PCDHA5: variants seen among roughly 807,000 people sequenced by gnomAD.
PCDHA5 encodes protocadherin alpha-5.
PCDHA5 carries 43 observed loss-of-function variants against 61.6 expected under a neutral mutation model. The ratio of observed to expected loss-of-function variants is 0.70; its 90% CI spans 0.55 to 0.90. The LOEUF is 0.90. Among genes scored for constraint, PCDHA5 ranks in the 40% least tolerant of loss-of-function variants. The probability of loss-of-function intolerance (pLI) is 0.00; values close to 1 mark genes in which losing one functional copy is unlikely to be tolerated. For missense variants in PCDHA5, 1,298 were observed against 1,222.7 expected (o/e 1.06, Z -0.92); for synonymous variants, 627 against 543.9 (o/e 1.15, Z -2.13).
At chr5:140,982,275 A>G (rs1315034472) in intron 2 of PCDHA5, 200 bp from the exon 3 acceptor site, 3 of 951,630 alleles carry the variant, frequency 3.2e-6, no homozygotes, top group Non-Finnish European at 4.5e-6. Context: ...GGAATAGTAT[A>G]GCAGGCAATA....
intron 1 of PCDHA5, chr5:140,967,530 C>T: frequency 6.2e-7 from 1 of 1,613,178 alleles, no homozygotes; most frequent in Non-Finnish European, 8.5e-7. Flanking sequence ...GACAACTCTC[C>T]TGCCTTTGAC....
chr5:140,870,935 A>C, intron 1 of PCDHA5: 2 of 1,613,778 alleles, frequency 1.2e-6, no homozygotes, highest in African/African-American at 2.7e-5. Context: ...TATGAATTGC[A>C]GCCGGCGGCG....
At position 140,822,625 on chromosome 5, in the gene PCDHA5, G is replaced by A. The variant is rs2150117840; in HGVS notation, c.850G>A (p.Val284Ile). 1.2e-6 allele frequency: 2 copies of A among 1,611,264 alleles called. No homozygotes were observed. Among genetic ancestry groups the A allele is most frequent in the South Asian group, 1.1e-5 (1 of 90,846 alleles). Residue 284 changes from valine to isoleucine, a missense_variant, in exon 1 of 4, where the codon GTT (valine) becomes ATT (isoleucine). Coordinates refer to ENST00000529859, the MANE Select transcript of PCDHA5 (RefSeq NM_018908.3). ...AATAGTGTATTTCTTTAGTAATCTT[G>A]TTCTTGACGATGTAAAGTCCAAATT... ...KEIVYFFSNL[V>I]LDDVKSKFII...
intron 1 of PCDHA5, chr5:140,828,066 T>G (rs1334678252): frequency 1.9e-6 from 3 of 1,559,958 alleles, no homozygotes; most frequent in Non-Finnish European, 2.6e-6. Context: ...GATCTTCTAA[T>G]GGAAATAAAA....
intron 1 of PCDHA5, chr5:140,857,523 C>T: frequency 1.9e-6 from 3 of 1,597,998 alleles, no homozygotes; most frequent in South Asian, 2.2e-5. Flanking sequence ...GTGTCCTACT[C>T]TCTGGTGGAG....
intron 1 of PCDHA5, chr5:140,853,583 T>G: frequency 1.0e-6 from 1 of 985,318 alleles, no homozygotes; most frequent in Non-Finnish European, 1.2e-6. Context: ...CCCAATATCT[T>G]AGACACTTTG....
At chr5:141,006,299 C>T (rs2098266808) in intron 3 of PCDHA5, among the ~76,000 whole-genome samples, 1 of 152,064 alleles carries the variant, frequency 6.6e-6, no homozygotes, top group Non-Finnish European at 1.5e-5. Flanking sequence ...GCAAGCTCCA[C>T]TTCCCGGGTT....
chr5:140,927,907 G>T, intron 1 of PCDHA5: 1 of 1,614,156 alleles, frequency 6.2e-7, no homozygotes, highest in Non-Finnish European at 8.5e-7. Context: ...TCATGCCCCC[G>T]AACTGGACTT....
At chr5:140,956,650 GATGCTGGCCTTA>G (rs2095299191) in intron 1 of PCDHA5, among the ~76,000 whole-genome samples, 1 of 152,154 alleles carries the variant, frequency 6.6e-6, no homozygotes, top group Non-Finnish European at 1.5e-5. Context: ...GTATCAGGAT[GATGCTGGCCTTA>G]AAGGAGTTAG....
rs1221684887 is a variant in PCDHA5, at chr5:140,822,310, T to G, written c.535T>G (p.Leu179Val). The G allele has an allele frequency of 2.5e-6, 4 of 1,614,088 alleles. No homozygotes were observed. In the African/African-American group the frequency reaches 4.0e-5, roughly 16 times the overall value. ...YRLNPNEYFD[L>V]DVKTNEEETN... ...GTTAAATCCAAACGAATATTTTGACTTAGATGTTAAAACAAATGAAGAAGA... is the reference window on the plus strand; with the variant it reads ...GTTAAATCCAAACGAATATTTTGACGTAGATGTTAAAACAAATGAAGAAGA... Residue 179 changes from leucine (L) to valine (V), a missense_variant, in exon 1 of 4, where the codon TTA becomes GTA. By Grantham distance (32) the Leu-to-Val change is conservative. Transcript: ENST00000529859.
At position 141,005,925 on chromosome 5, in the gene PCDHA5, T is replaced by C. The variant is rs368127914; in HGVS notation, c.2501-3702T>C. On this transcript the variant is annotated intron_variant, in intron 3 of 3. Transcript: ENST00000529859. ...TTGCACCACTGCACTTCAGCCTGGT[T>C]GACAGAGTGAGAACCTATCTCTAAC... 4.1e-4 allele frequency among the ~76,000 whole-genome samples: 62 copies of C among 151,990 alleles called. 1 individual carries two copies. The highest frequency in any genetic ancestry group is 1.4e-3 in the African/African-American group (59 of 41,476).
intron 3 of PCDHA5, among the ~76,000 whole-genome samples, chr5:141,008,307 G>A (rs1212029861): frequency 2.0e-5 from 3 of 152,176 alleles, no homozygotes; most frequent in Admixed American, 1.3e-4. Context: ...ACCCTAAACT[G>A]TAATTGAACA....
rs1554253792 is a variant in PCDHA5 at position 140,993,501 on chromosome 5, C to CACAT, written c.2500+10941_2500+10942insTACA. ...ACACACACACACACACACACACACA[C>CACAT]ACACACACGGGGAGAGAGAGACAGA... is the stretch of plus-strand genomic sequence containing the variant. On this transcript the variant is annotated intron_variant, in intron 3 of 3. Transcript: ENST00000529859. Among the ~76,000 whole-genome samples, 4 of 149,100 alleles carry CACAT rather than the reference C, an allele frequency of 2.7e-5. No individual in the cohort carries two copies. In the East Asian group the frequency reaches 5.8e-4, roughly 22 times the overall value.
rs1767369085 is a variant in PCDHA5, at chr5:140,822,621, T to A, written c.846T>A (p.Asn282Lys). 1 of 1,611,630 alleles carries A rather than the reference T, an allele frequency of 6.2e-7. No individual in the cohort carries two copies. Among genetic ancestry groups the A allele is most frequent in the African/African-American group, 1.3e-5 (1 of 74,990 alleles). ...AGGAAATAGTGTATTTCTTTAGTAA[T>A]CTTGTTCTTGACGATGTAAAGTCCA... ...INKEIVYFFS[N>K]LVLDDVKSKF... Residue 282 changes from asparagine (N) to lysine (K), a missense_variant, in exon 1 of 4, where the codon AAT (asparagine) becomes AAA (lysine). Coordinates refer to ENST00000529859, the MANE Select transcript of PCDHA5 (RefSeq NM_018908.3).
In PCDHA5 at chr5:140,850,849, G is replaced by A. The variant is rs2150500367; in HGVS notation, c.2352+26722G>A. On this transcript the variant is annotated intron_variant, in intron 1 of 3. Coordinates refer to ENST00000529859, the MANE Select transcript of PCDHA5 (RefSeq NM_018908.3). ...TCTCCTTGTGCTGGATCTACAGAGC[G>A]AACGGGAGAACCCTCTGCTTCCTCA... The A allele has an allele frequency of 8.1e-6, 13 of 1,596,194 alleles. 3 individuals are homozygous for A. Among genetic ancestry groups the A allele is most frequent in the East Asian group, 2.2e-5 (1 of 44,844 alleles).
chr5:141,008,837 C>G (rs1460664317), intron 3 of PCDHA5, among the ~76,000 whole-genome samples: 1 of 152,178 alleles, frequency 6.6e-6, no homozygotes, highest in Non-Finnish European at 1.5e-5. Flanking sequence ...CATCCTCTTA[C>G]GCTGTGTATT....
At position 140,822,265 on chromosome 5, in the gene PCDHA5, A is replaced by C; in HGVS notation, c.490A>C (p.Asn164His). The change falls in exon 1 of 4, where the codon AAT (asparagine) becomes CAT (histidine). Residue 164 changes from asparagine to histidine, a missense_variant. Transcript: ENST00000529859. ...CGCGTCGGATTTGGATATTGGAGCA[A>C]ATGCACAATTGAGATACAGGTTAAA... is the stretch of plus-strand genomic sequence containing the variant. Reference protein sequence around the residue: ...EGASDLDIGANAQLRYRLNPN... With the variant: ...EGASDLDIGAHAQLRYRLNPN... 6.2e-7 allele frequency: 1 copy of C among 1,614,272 alleles called. No homozygotes were observed. Among genetic ancestry groups the C allele is most frequent in the Non-Finnish European group, 8.5e-7 (1 of 1,180,044 alleles).
At position 140,822,506 on chromosome 5, in the gene PCDHA5, C is replaced by T. The variant is rs2150116897; in HGVS notation, c.731C>T (p.Ser244Phe). ...GATAACGCCCCAGAATTTGATAAATCCATTTATAATGTCAGATTGTTGGAA... is the reference window on the plus strand; with the variant it reads ...GATAACGCCCCAGAATTTGATAAATTCATTTATAATGTCAGATTGTTGGAA... Reference protein sequence around the residue: ...ANDNAPEFDKSIYNVRLLENA... With the variant: ...ANDNAPEFDKFIYNVRLLENA... The change falls in exon 1 of 4, where the codon TCC (serine) becomes TTC (phenylalanine). Residue 244 changes from serine to phenylalanine, a missense_variant. Transcript: ENST00000529859. 4 of 1,613,830 alleles carry T rather than the reference C, an allele frequency of 2.5e-6. No individual in the cohort carries two copies. The highest frequency in any genetic ancestry group is 2.5e-6 in the Non-Finnish European group (3 of 1,179,954).
chr5:140,854,184 T>C, intron 1 of PCDHA5: 1 of 612,228 alleles, frequency 1.6e-6, no homozygotes, highest in Non-Finnish European at 2.0e-6. Context: ...AAAGAGTAGT[T>C]TAACTACTCC....
Sources: gnomAD v4.1 joint callset for allele counts (sites outside exome capture counted in the v4.1 genomes callset) on GRCh38, gnomAD v4.1.1 for gene constraint, MANE v1.5 for transcripts, NCBI Gene and HGNC (gene_info 2026-07-23, HGNC 2026-07-21) for gene names.